AP4E1: variants seen among roughly 807,000 people sequenced by gnomAD.
AP4E1 encodes the protein adaptor related protein complex 4 subunit epsilon 1.
AP4E1 carries 56 observed loss-of-function variants against 128.2 expected under a neutral mutation model. The ratio of observed to expected loss-of-function variants is 0.44; its 90% confidence interval spans 0.35 to 0.55. AP4E1 has a LOEUF of 0.55. Ranked by LOEUF, AP4E1 falls within the 20% of genes least tolerant of loss-of-function variation. The pLI, the probability that AP4E1 is intolerant of heterozygous loss-of-function variation, is 0.00. For synonymous variants in AP4E1, 484 were observed against 473.1 expected, an observed-to-expected ratio of 1.02 and a Z score of -0.30; for missense variants, 1,324 against 1,307.7, an observed-to-expected ratio of 1.01 and a Z score of -0.19.
intron 15 of AP4E1, among the ~76,000 whole-genome samples, chr15:50,968,653 A>T (rs2064429799): frequency 6.6e-6 from 1 of 152,122 alleles, no homozygotes; most frequent in South Asian, 2.1e-4. Context: ...TTGAGACAAG[A>T]GTCTTGCTCT....
intron 6 of AP4E1, among the ~76,000 whole-genome samples, chr15:50,929,779 C>T (rs930164831): frequency 5.9e-5 from 9 of 151,830 alleles, no homozygotes; most frequent in Non-Finnish European, 1.3e-4. Flanking sequence ...TTTTATGTAT[C>T]GTGTTCTAAA....
chr15:50,950,145 G>A lies in AP4E1; in HGVS notation c.1524G>A (p.Gln508=). ...LLDMENVFYP[Q]RFLQVMSWVL... The stretch of plus-strand genomic sequence containing the variant: ...ATATGGAAAATGTGTTCTATCCACA[G>A]AGATTTCTTCAAGTTATGAGTTGGG... Residue 508 remains glutamine (Q), a synonymous_variant, in exon 13 of 21, where the codon CAG becomes CAA. Transcript: ENST00000261842. The A allele has an allele frequency of 1.2e-6, 2 of 1,612,234 alleles. No homozygotes were observed. Among genetic ancestry groups the A allele is most frequent in the Non-Finnish European group, 1.7e-6 (2 of 1,178,786 alleles).
intron 16 of AP4E1, 92 bp from the exon 17 acceptor site, chr15:50,993,278 C>G: frequency 7.4e-7 from 1 of 1,347,248 alleles, no homozygotes; most frequent in Non-Finnish European, 1.1e-6. Flanking sequence ...TTTAAAAGGC[C>G]ATGGGCATTG....
intron 7 of AP4E1, among the ~76,000 whole-genome samples, chr15:50,934,127 A>G (rs2063873975): frequency 6.6e-6 from 1 of 151,986 alleles, no homozygotes; most frequent in Non-Finnish European, 1.5e-5. Flanking sequence ...AATTCCACAA[A>G]ATATCTTTTT....
At chr15:50,942,420 G>C (rs926387462) in intron 10 of AP4E1, among the ~76,000 whole-genome samples, 3 of 151,830 alleles carry the variant, frequency 2.0e-5, no homozygotes, top group Non-Finnish European at 4.4e-5. Flanking sequence ...TCCTGTTATT[G>C]TACAATTTAA....
intron 15 of AP4E1, among the ~76,000 whole-genome samples, chr15:50,969,005 CT>C (rs1415913677): frequency 3.4e-5 from 5 of 147,990 alleles, no homozygotes; most frequent in Non-Finnish European, 3.0e-5. Context: ...TTTTCTTCTT[CT>C]TTTTTTTTAA....
chr15:50,944,249 T>A (rs553521047), intron 10 of AP4E1, among the ~76,000 whole-genome samples: 1 of 152,290 alleles, frequency 6.6e-6, no homozygotes, highest in African/African-American at 2.4e-5. Context: ...CCTTGGATGT[T>A]CAGTGATCTG....
intron 5 of AP4E1, among the ~76,000 whole-genome samples, chr15:50,927,784 C>T (rs1359947815): frequency 6.6e-6 from 1 of 151,650 alleles, no homozygotes; most frequent in Non-Finnish European, 1.5e-5. Flanking sequence ...AAAAGGAGTT[C>T]TTGAGTGGAA....
chr15:50,974,633 C>T (rs1244168888), intron 15 of AP4E1, among the ~76,000 whole-genome samples: 1 of 152,104 alleles, frequency 6.6e-6, no homozygotes, highest in Non-Finnish European at 1.5e-5. Context: ...TTTGCATTCC[C>T]ATCAACAATG....
chr15:50,949,799 T>C (rs1381776955), intron 11 of AP4E1, 27 bp from the exon 12 acceptor site: 4 of 1,500,700 alleles, frequency 2.7e-6, no homozygotes, highest in Non-Finnish European at 3.7e-6. Context: ...CATTTGGAAG[T>C]GTACTTGTTC....
chr15:51,002,396 T>C lies in AP4E1; in HGVS notation c.3254-106T>C, dbSNP rs1307813489. The C allele has an allele frequency of 1.5e-5, 18 of 1,191,400 alleles. No individual in the cohort carries two copies. The Admixed American group carries it at 1.5e-4, about 10-fold the overall frequency. The allele number at this position is 1,191,400 out of a possible 1,614,324, so 73.8% of individuals were successfully genotyped here. A position where few individuals can be genotyped will look rare whatever the true frequency, so the allele number is the denominator to read the frequency against. On this transcript the variant is annotated intron_variant, in intron 20 of 20. Coordinates refer to ENST00000261842, the MANE Select transcript of AP4E1 (RefSeq NM_007347.5). ...GCAGTCTCCTTAGTGGTTAGTGATA[T>C]TGAGTATCTTTTCATGTGCTTATTA...
In AP4E1 at chr15:50,987,052, C is replaced by G. The variant is rs186858722; in HGVS notation, c.2090+2907C>G. On this transcript the variant is annotated intron_variant, in intron 16 of 20. Transcript: ENST00000261842. ...TTAGCCTTGGGAGGCTGTATGTGTC[C>G]AGGAATTTATCCATTTCTTCTAGAT... 4.4e-3 allele frequency among the ~76,000 whole-genome samples: 676 copies of G among 152,248 alleles called. 17 individuals are homozygous for G. Among genetic ancestry groups the G allele is most frequent in the Admixed American group, 0.036 (548 of 15,294 alleles).
rs573355106 is a variant in AP4E1, at chr15:50,922,361, G to A, written c.347-1570G>A. ...AACGAAACAAAACAAATGCTTTCTG[G>A]GATTTTCCTCATCTCTTTCTTGGCC... On this transcript the variant is annotated intron_variant, in intron 3 of 20. Coordinates refer to ENST00000261842, the MANE Select transcript of AP4E1 (RefSeq NM_007347.5). Among the ~76,000 whole-genome samples the A allele has an allele frequency of 7.9e-5, 12 of 151,954 alleles. No individual in the cohort carries two copies. In the East Asian group the frequency reaches 2.3e-3, roughly 29 times the overall value.
intron 11 of AP4E1, among the ~76,000 whole-genome samples, chr15:50,948,711 G>A (rs2064101103): frequency 6.6e-6 from 1 of 152,206 alleles, no homozygotes; most frequent in South Asian, 2.1e-4. Context: ...AGTGGCTCAT[G>A]CCTGTAATCC....
intron 13 of AP4E1, among the ~76,000 whole-genome samples, chr15:50,956,359 A>G (rs1183167383): frequency 6.6e-6 from 1 of 152,064 alleles, no homozygotes; most frequent in African/African-American, 2.4e-5. Flanking sequence ...TCCCTTGCTT[A>G]TCACCCAGCC....
chr15:50,931,103 C>T, intron 7 of AP4E1, 132 bp downstream of exon 7: 2 of 1,140,434 alleles, frequency 1.8e-6, no homozygotes, highest in South Asian at 1.3e-5. Flanking sequence ...ATAAAAGAAG[C>T]CATTGTAAGA....
In AP4E1 at chr15:51,005,816, G is replaced by A. The variant is rs1403542404; in HGVS notation, c.*3154G>A. On this transcript the variant is annotated 3_prime_UTR_variant, in exon 21 of 21. Coordinates refer to ENST00000261842, the MANE Select transcript of AP4E1 (RefSeq NM_007347.5). ...AATACAAGTGAATAATTATTTAATA[G>A]GCATTTATTACTTTATTTTGGAGTT... 6.6e-6 allele frequency: 1 copy of A among 152,500 alleles called. No homozygotes were observed. Among genetic ancestry groups the A allele is most frequent in the East Asian group, 1.9e-4 (1 of 5,194 alleles). The allele number at this position is 152,500 out of a possible 1,614,324, so 9.4% of individuals were successfully genotyped here.
At chr15:50,935,899 A>T (rs1049304948) in intron 8 of AP4E1, among the ~76,000 whole-genome samples, 1 of 152,210 alleles carries the variant, frequency 6.6e-6, no homozygotes, top group Non-Finnish European at 1.5e-5. Context: ...ACTTTGAAGG[A>T]TAGATTTTTG....
In AP4E1 at chr15:50,929,226, G is replaced by A. The variant is rs1482642764; in HGVS notation, c.702+58G>A. The A allele has an allele frequency of 3.9e-6, 6 of 1,537,186 alleles. No individual in the cohort carries two copies. The Admixed American group carries it at 8.5e-5, about 22-fold the overall frequency. ...TTACCATTAGAAAAATACAATTATGGAATTAAAAAGAAACAGATATTTTGG... is the reference window on the plus strand; with the variant it reads ...TTACCATTAGAAAAATACAATTATGAAATTAAAAAGAAACAGATATTTTGG... On this transcript the variant is annotated intron_variant, in intron 6 of 20. Transcript: ENST00000261842.
Sources: gnomAD v4.1 joint callset for allele counts (sites outside exome capture counted in the v4.1 genomes callset) on GRCh38, gnomAD v4.1.1 for gene constraint, MANE v1.5 for transcripts, NCBI Gene and HGNC (gene_info 2026-07-23, HGNC 2026-07-21) for gene names.